The following P4HA1 variants were observed in gnomAD, a reference collection of about 807,000 sequenced individuals.
P4HA1 encodes the protein prolyl 4-hydroxylase subunit alpha 1, also known as prolyl 4-hydroxylase subunit alpha-1.
A neutral mutation model predicts 72.8 loss-of-function variants in P4HA1; 24 were observed. That is an observed-to-expected ratio of 0.33 (90% CI 0.24 to 0.46). The LOEUF (loss-of-function observed/expected upper bound fraction) is 0.46. Among genes scored for constraint, P4HA1 ranks in the 20% least tolerant of loss-of-function variants. The probability of loss-of-function intolerance (pLI) is 1.00; values close to 1 mark genes in which losing one functional copy is unlikely to be tolerated. For missense variants in P4HA1, 446 were observed against 640.6 expected, an observed-to-expected ratio of 0.70 and a Z score of 3.28; for synonymous variants, 201 against 218.8, an observed-to-expected ratio of 0.92 and a Z score of 0.72.
intron 12 of P4HA1, among the ~76,000 whole-genome samples, chr10:73,011,443 A>G (rs2133029773): frequency 6.6e-6 from 1 of 152,288 alleles, no homozygotes; most frequent in African/African-American, 2.4e-5. Context: ...CTGATCATTA[A>G]TGTCTAGAAC....
chr10:73,009,737 G>A, intron 14 of P4HA1, 70 bp downstream of exon 14: 2 of 868,166 alleles, frequency 2.3e-6, no homozygotes, highest in South Asian at 3.0e-5. Context: ...TTGTTTTTAA[G>A]ACACAGATAA....
chr10:73,009,750 G>T, intron 14 of P4HA1, 57 bp downstream of exon 14: 1 of 1,000,658 alleles, frequency 1.0e-6, no homozygotes, highest in Non-Finnish European at 1.6e-6. Flanking sequence ...ACAGATAATA[G>T]TTCCAAAATA....
chr10:73,020,734 C>T lies in P4HA1; in HGVS notation c.1249-3835G>A, dbSNP rs369048604. ...AGTTAATTTACTATAATCAATTAGG[C>T]TTTATTTGTGGGGTGCAAGGTTGGT... On this transcript the variant is annotated intron_variant, in intron 10 of 14. Coordinates refer to ENST00000394890, the MANE Select transcript of P4HA1 (RefSeq NM_001017962.3). Among the ~76,000 whole-genome samples the T allele has an allele frequency of 1.8e-4, 27 of 152,136 alleles. No homozygotes were observed. The East Asian group carries it at 1.9e-3, about 11-fold the overall frequency.
intron 1 of P4HA1, among the ~76,000 whole-genome samples, chr10:73,090,731 T>C (rs1241384345): frequency 6.6e-6 from 1 of 151,950 alleles, no homozygotes; most frequent in African/African-American, 2.4e-5. Flanking sequence ...GCATAGTAAA[T>C]TGAGGTCTAT....
chr10:73,022,108 G>A lies in P4HA1; in HGVS notation c.1249-5209C>T, dbSNP rs534002036. Among the ~76,000 whole-genome samples the A allele has an allele frequency of 2.1e-4, 32 of 152,322 alleles. No homozygotes were observed. The South Asian group carries it at 5.0e-3, about 24-fold the overall frequency. On this transcript the variant is annotated intron_variant, in intron 10 of 14. Coordinates refer to ENST00000394890, the MANE Select transcript of P4HA1 (RefSeq NM_001017962.3). ...GCAGACAACTTCTGCAGACTTAAACGTCCCTGTCTGACAGCTCTGAAGAGA... is the reference window on the plus strand; with the variant it reads ...GCAGACAACTTCTGCAGACTTAAACATCCCTGTCTGACAGCTCTGAAGAGA...
At chr10:73,048,911 G>A (rs958839651) in intron 7 of P4HA1, among the ~76,000 whole-genome samples, 2 of 152,158 alleles carry the variant, frequency 1.3e-5, no homozygotes, top group Non-Finnish European at 2.9e-5. Flanking sequence ...GAGGCAGGCG[G>A]ATCACGAGGT....
At chr10:73,057,066 A>T (rs537524897) in intron 5 of P4HA1, among the ~76,000 whole-genome samples, 2 of 152,004 alleles carry the variant, frequency 1.3e-5, no homozygotes, top group South Asian at 4.1e-4. Flanking sequence ...TCTCGAAAAA[A>T]AAAAAAAAAA....
intron 6 of P4HA1, 47 bp from the exon 7 acceptor site, chr10:73,051,296 T>A: frequency 3.0e-6 from 3 of 991,662 alleles, no homozygotes; most frequent in Non-Finnish European, 4.6e-6. Flanking sequence ...TTCATGCTTG[T>A]TCAAGCATCA....
At chr10:73,037,894 TA>T (rs2133075365) in intron 9 of P4HA1, among the ~76,000 whole-genome samples, 1 of 152,144 alleles carries the variant, frequency 6.6e-6, no homozygotes, top group Non-Finnish European at 1.5e-5. Context: ...ATATATATTA[TA>T]CTTTAATACT....
At chr10:73,053,630 A>C (rs765827553) in intron 5 of P4HA1, 40 bp from the exon 6 acceptor site, 1 of 1,564,422 alleles carries the variant, frequency 6.4e-7, no homozygotes, top group Non-Finnish European at 8.8e-7. Flanking sequence ...GAATCTTAAC[A>C]CTACTGTGTA....
At chr10:73,061,403 C>T (rs919637280) in intron 5 of P4HA1, among the ~76,000 whole-genome samples, 1 of 151,534 alleles carries the variant, frequency 6.6e-6, no homozygotes, top group Admixed American at 6.6e-5. Flanking sequence ...ACTAGGTTTC[C>T]CCAGCTAACC....
At chr10:73,020,280 AC>A (rs780567326) in intron 10 of P4HA1, among the ~76,000 whole-genome samples, 1 of 152,124 alleles carries the variant, frequency 6.6e-6, no homozygotes, top group Non-Finnish European at 1.5e-5. Flanking sequence ...ATGCACACAA[AC>A]TTTTATAAAA....
chr10:73,023,143 GAAC>G (rs1182549582), intron 10 of P4HA1, among the ~76,000 whole-genome samples: 1 of 152,032 alleles, frequency 6.6e-6, no homozygotes, highest in African/African-American at 2.4e-5. Flanking sequence ...GAAATACAGA[GAAC>G]ACCACAAAGA....
intron 5 of P4HA1, among the ~76,000 whole-genome samples, chr10:73,059,424 TAAAAAAAAAAAAAAAAAAAAAAAA>T (rs920360586): frequency 4.1e-4 from 10 of 24,178 alleles, no homozygotes; most frequent in Admixed American, 2.5e-3. Context: ...ACAATATATT[TAAAAAAAAAAAAAAAAAAAAAAAA>T]AAAAAAAAAA....
intron 9 of P4HA1, among the ~76,000 whole-genome samples, chr10:73,034,879 C>A (rs1840533729): frequency 6.6e-6 from 1 of 152,000 alleles, no homozygotes; most frequent in African/African-American, 2.4e-5. Flanking sequence ...CCACACCCAG[C>A]CAAAATAATG....
chr10:73,045,117 A>G, intron 8 of P4HA1, 66 bp from the exon 9 acceptor site: 1 of 1,318,334 alleles, frequency 7.6e-7, no homozygotes, highest in Non-Finnish European at 1.1e-6. Flanking sequence ...TTACCCAACC[A>G]GTCAGAATTC....
In P4HA1 at chr10:73,012,701, A is replaced by G. The variant is rs116678233; in HGVS notation, c.1368+1523T>C. 3.0e-3 allele frequency among the ~76,000 whole-genome samples: 451 copies of G among 152,342 alleles called. 5 individuals carry two copies. Among genetic ancestry groups the G allele is most frequent in the African/African-American group, 1.0e-2 (414 of 41,582 alleles). The stretch of plus-strand genomic sequence containing the variant: ...ATTTTGGTAGGGAGTGAGATACTAC[A>G]GACAACAAAAAGATGTAATTCAAAT... On this transcript the variant is annotated intron_variant, in intron 12 of 14. Transcript: ENST00000394890.
At chr10:73,021,533 T>C (rs976075787) in intron 10 of P4HA1, among the ~76,000 whole-genome samples, 2 of 152,232 alleles carry the variant, frequency 1.3e-5, no homozygotes, top group African/African-American at 4.8e-5. Flanking sequence ...GAGTTCATTA[T>C]ATTAGTAAAA....
At chr10:73,054,757 G>A (rs754617699) in intron 5 of P4HA1, among the ~76,000 whole-genome samples, 42 of 152,122 alleles carry the variant, frequency 2.8e-4, no homozygotes, top group Non-Finnish European at 7.3e-5. Context: ...CCTTGCTAAT[G>A]CTTGTTATTG....
Sources: gnomAD v4.1 joint callset for allele counts (sites outside exome capture counted in the v4.1 genomes callset) on GRCh38, gnomAD v4.1.1 for gene constraint, MANE v1.5 for transcripts, NCBI Gene and HGNC (gene_info 2026-07-23, HGNC 2026-07-21) for gene names.